SVBP: variants seen among roughly 807,000 people sequenced by gnomAD.
The protein encoded by SVBP is small vasohibin binding protein.
A neutral mutation model predicts 9.2 loss-of-function variants in SVBP; 9 were observed. The ratio of observed to expected loss-of-function variants is 0.98; its 90% CI spans 0.59 to 1.71. SVBP has a LOEUF of 1.71. Among genes scored for constraint, SVBP ranks in the 40% most tolerant of loss-of-function variants. SVBP has a pLI of 0.00. For synonymous variants in SVBP, 27 were observed against 23.9 expected (o/e 1.13, Z -0.37); for missense variants, 63 against 73.2 (o/e 0.86, Z 0.51).
At chr1:42,815,305 C>T (rs1166832131) in intron 2 of SVBP, among the ~76,000 whole-genome samples, 3 of 150,368 alleles carry the variant, frequency 2.0e-5, no homozygotes, top group Non-Finnish European at 4.4e-5. Flanking sequence ...CAACATGGCA[C>T]ATGTATACAT....
intron 1 of SVBP, 169 bp downstream of exon 1, chr1:42,817,021 G>A (rs989520464): frequency 2.4e-4 from 84 of 354,252 alleles, no homozygotes; most frequent in Non-Finnish European, 2.2e-4. Context: ...CTGGGGCCAG[G>A]GGGCCGGGCC....
intron 2 of SVBP, among the ~76,000 whole-genome samples, chr1:42,814,269 G>A (rs536796843): frequency 2.0e-4 from 30 of 151,360 alleles, no homozygotes; most frequent in African/African-American, 6.8e-4. Context: ...GTAGAGACAG[G>A]GTTTCACCAT....
chr1:42,813,879 A>C (rs1473664471), intron 2 of SVBP: 10 of 285,866 alleles, frequency 3.5e-5, no homozygotes, highest in Non-Finnish European at 7.1e-6. Context: ...GGGAAGGTAA[A>C]GGACCACAGC....
At chr1:42,808,395 A>G (rs981392305) in intron 2 of SVBP, among the ~76,000 whole-genome samples, 1 of 144,928 alleles carries the variant, frequency 6.9e-6, no homozygotes, top group African/African-American at 2.5e-5. Context: ...TAGGCTATAT[A>G]TAGTATATAA....
rs1033611616 is a variant in SVBP at position 42,813,452 on chromosome 1, T to G, written c.114+2979A>C. On this transcript the variant is annotated intron_variant, in intron 2 of 2. Transcript: ENST00000372521. The stretch of plus-strand genomic sequence containing the variant: ...TCATCATCAAAGGCCAAAACTGGAT[T>G]CAAAGGAACTTCTGGGCTCTTACTG... The G allele has an allele frequency of 7.1e-6, 4 of 567,312 alleles. No individual in the cohort carries two copies. The African/African-American group carries it at 7.5e-5, about 11-fold the overall frequency. The allele number at this position is 567,312 out of a possible 1,614,324, so 35.1% of individuals were successfully genotyped here.
intron 2 of SVBP, chr1:42,813,584 T>C: frequency 3.8e-6 from 2 of 530,684 alleles, no homozygotes; most frequent in South Asian, 2.8e-5. Context: ...GTTTTCCAAA[T>C]TGGGGGTGCT....
chr1:42,812,692 T>C (rs1654106648), intron 2 of SVBP, among the ~76,000 whole-genome samples: 1 of 152,258 alleles, frequency 6.6e-6, no homozygotes, highest in Non-Finnish European at 1.5e-5. Context: ...CAGTAAATTA[T>C]TTTCTTGCTC....
intron 2 of SVBP, among the ~76,000 whole-genome samples, chr1:42,810,860 AT>A (rs1278058706): frequency 1.3e-5 from 2 of 152,018 alleles, no homozygotes; most frequent in Non-Finnish European, 2.9e-5. Context: ...AACAAACAGG[AT>A]AGGCGCGGCG....
intron 2 of SVBP, among the ~76,000 whole-genome samples, chr1:42,810,751 A>G (rs1437736532): frequency 6.6e-6 from 1 of 152,120 alleles, no homozygotes; most frequent in East Asian, 1.9e-4. Flanking sequence ...CTTCACATCT[A>G]ACTTTCTGGA....
intron 2 of SVBP, chr1:42,816,166 A>ATT: frequency 2.5e-6 from 1 of 398,736 alleles, no homozygotes; most frequent in Non-Finnish European, 4.5e-6. Context: ...CTTACATATC[A>ATT]TTTTTTTTCC....
intron 2 of SVBP, among the ~76,000 whole-genome samples, chr1:42,814,896 C>CA (rs1421537431): frequency 1.0e-3 from 155 of 152,254 alleles, no homozygotes; most frequent in Middle Eastern, 6.8e-3. Flanking sequence ...ATAAACCATG[C>CA]TGCTATAAAG....
chr1:42,810,234 C>T (rs942940007), intron 2 of SVBP, among the ~76,000 whole-genome samples: 17 of 152,080 alleles, frequency 1.1e-4, no homozygotes, highest in Non-Finnish European at 8.8e-5. Flanking sequence ...CTGCAACCTC[C>T]GCCTCCTGGT....
At position 42,816,479 on chromosome 1, in the gene SVBP, G is replaced by A. The variant is rs1654211838; in HGVS notation, c.66C>T (p.Ala22=). The part of the protein sequence containing the change: ...VKESVSRVEK[A]KQKSAQQELK... ...GCTCCTGCTGGGCTGATTTCTGTTTGGCCTTCTCAACTCTGCTGACAGATT... is the reference window on the plus strand; with the variant it reads ...GCTCCTGCTGGGCTGATTTCTGTTTAGCCTTCTCAACTCTGCTGACAGATT... Residue 22 remains alanine, a synonymous_variant, in exon 2 of 3, where the codon GCC becomes GCT. Transcript: ENST00000372521. 6.2e-7 allele frequency: 1 copy of A among 1,613,906 alleles called. No individual in the cohort carries two copies. Among genetic ancestry groups the A allele is most frequent in the Admixed American group, 1.7e-5 (1 of 59,978 alleles).
At chr1:42,815,850 A>C (rs1045566606) in intron 2 of SVBP, among the ~76,000 whole-genome samples, 17 of 152,252 alleles carry the variant, frequency 1.1e-4, no homozygotes, top group African/African-American at 4.1e-4. Flanking sequence ...AAGACAGGAA[A>C]TGAACAAAGC....
chr1:42,815,691 A>C (rs1291744050), intron 2 of SVBP, among the ~76,000 whole-genome samples: 1 of 152,184 alleles, frequency 6.6e-6, no homozygotes, highest in Admixed American at 6.5e-5. Flanking sequence ...TCTAAAAAAC[A>C]ATGTAAGCAA....
intron 1 of SVBP, 86 bp from the exon 2 acceptor site, chr1:42,816,666 G>T: frequency 1.5e-6 from 1 of 680,100 alleles, no homozygotes; most frequent in Non-Finnish European, 2.5e-6. Flanking sequence ...CTTTAGCTCC[G>T]CCCCATCCTT....
Position 42,814,821 on chromosome 1 carries a change from G to C in SVBP, c.114+1610C>G, listed in dbSNP as rs1261959119. 3.3e-5 allele frequency among the ~76,000 whole-genome samples: 5 copies of C among 151,922 alleles called. No homozygotes were observed. In the East Asian group the frequency reaches 7.7e-4, roughly 24 times the overall value. On this transcript the variant is annotated intron_variant, in intron 2 of 2. Coordinates refer to ENST00000372521, the MANE Select transcript of SVBP (RefSeq NM_199342.4). ...GGAAGACAATGTGGTGATTCCTCAA[G>C]GATCTAGAACTAGAAATACCATTTG...
Position 42,807,156 on chromosome 1 carries a change from T to G in SVBP, c.*258A>C, listed in dbSNP as rs866986572. On this transcript the variant is annotated 3_prime_UTR_variant, in exon 3 of 3. Transcript: ENST00000372521. ...AGAAAAAGTGTTTTTTGTGTGTGTT[T>G]TTTTTTTTTTTTTAAAAAAACCCAA... is the stretch of plus-strand genomic sequence containing the variant. 248 of 278,422 alleles carry G rather than the reference T, an allele frequency of 8.9e-4. No homozygotes were observed. Among genetic ancestry groups the G allele is most frequent in the African/African-American group, 4.6e-3 (205 of 44,908 alleles). The allele number at this position is 278,422 out of a possible 1,614,324, so 17.2% of individuals were successfully genotyped here. A position where few individuals can be genotyped will look rare whatever the true frequency, so the allele number is the denominator to read the frequency against.
chr1:42,807,696 CTTGAT>C (rs1653990126), intron 2 of SVBP, among the ~76,000 whole-genome samples, 196 bp from the exon 3 acceptor site: 2 of 151,986 alleles, frequency 1.3e-5, no homozygotes, highest in Non-Finnish European at 2.9e-5. Flanking sequence ...ATGCAGGTGG[CTTGAT>C]TTGGTCTTTA....
Sources: gnomAD v4.1 joint callset for allele counts (sites outside exome capture counted in the v4.1 genomes callset) on GRCh38, gnomAD v4.1.1 for gene constraint, MANE v1.5 for transcripts, NCBI Gene and HGNC (gene_info 2026-07-23, HGNC 2026-07-21) for gene names.